The following ARHGEF33 variants were observed in gnomAD, a reference collection of about 807,000 sequenced individuals.
ARHGEF33 encodes the protein Rho guanine nucleotide exchange factor 33.
Under a neutral mutation model 101.9 loss-of-function variants are expected in ARHGEF33, and 72 were observed. The observed-to-expected ratio is 0.71, with a 90% CI of 0.58 to 0.86. The LOEUF (loss-of-function observed/expected upper bound fraction) is 0.86. Ranked by LOEUF, ARHGEF33 falls within the 40% of genes least tolerant of loss-of-function variation. The pLI is 0.00. For missense variants in ARHGEF33, 1,169 were observed against 1,111.3 expected (o/e 1.05, Z -0.74); for synonymous variants, 499 against 442.5 (o/e 1.13, Z -1.60).
intron 1 of ARHGEF33, among the ~76,000 whole-genome samples, chr2:38,891,728 C>T (rs748539559): frequency 3.3e-5 from 5 of 151,718 alleles, no homozygotes; most frequent in African/African-American, 4.9e-5. Flanking sequence ...ATTCCCCACC[C>T]GCCCCCCACA....
Position 38,951,002 on chromosome 2 carries a change from T to C in ARHGEF33, c.934T>C (p.Ser312Pro), listed in dbSNP as rs373984297. The change falls in exon 11 of 18, where the codon TCT (serine) becomes CCT (proline). Residue 312 changes from serine to proline, a missense_variant. Transcript: ENST00000409978. ...TTCTGTTTCAAGCCTCTTCCCTGGC[T>C]CTTTACGGTACCTCGTCCAGCAGCA... ...NSKERSLFPG[S>P]LRYLVQQHLD... is the part of the protein sequence containing the mutation. 4 of 1,552,258 alleles carry C rather than the reference T, an allele frequency of 2.6e-6. No homozygotes were observed. The highest frequency in any genetic ancestry group is 3.5e-6 in the Non-Finnish European group (4 of 1,147,104).
chr2:38,929,598 A>G (rs1387934506), intron 5 of ARHGEF33, 111 bp from the exon 6 acceptor site: 6 of 833,894 alleles, frequency 7.2e-6, no homozygotes, highest in Non-Finnish European at 1.0e-5. Context: ...TCTCTCATTC[A>G]TTCATTCATT....
intron 15 of ARHGEF33, 48 bp downstream of exon 15, chr2:38,958,246 C>A: frequency 6.5e-7 from 1 of 1,546,196 alleles, no homozygotes; most frequent in South Asian, 1.2e-5. Flanking sequence ...CCTTTGGGAC[C>A]CAGCCAGTCT....
At position 38,958,065 on chromosome 2, in the gene ARHGEF33, G is replaced by T; in HGVS notation, c.1402G>T (p.Ala468Ser). The T allele has an allele frequency of 6.4e-7, 1 of 1,552,236 alleles. No individual in the cohort carries two copies. Among genetic ancestry groups the T allele is most frequent in the Non-Finnish European group, 8.7e-7 (1 of 1,147,130 alleles). ...SSMAKLYKGLASQCANAGQDA... is the reference protein window; with the variant it reads ...SSMAKLYKGLSSQCANAGQDA... ...CATGGCGAAGCTGTACAAAGGGCTG[G>T]CTTCCCAGTGTGCCAATGCTGGGCA... Residue 468 changes from alanine to serine, a missense_variant, in exon 15 of 18, where the codon GCT becomes TCT. Ala to Ser is a moderately conservative substitution (Grantham distance 99). Coordinates refer to ENST00000409978, the MANE Select transcript of ARHGEF33 (RefSeq NM_001145451.5).
At chr2:38,959,814 C>T (rs1393783595) in intron 15 of ARHGEF33, 27 bp from the exon 16 acceptor site, 2 of 1,519,002 alleles carry the variant, frequency 1.3e-6, no homozygotes, top group South Asian at 2.5e-5. Context: ...AAGCACAGCT[C>T]TTTTGTACTC....
At chr2:38,963,560 G>C (rs1226411378) in intron 16 of ARHGEF33, among the ~76,000 whole-genome samples, 2 of 152,206 alleles carry the variant, frequency 1.3e-5, no homozygotes, top group Non-Finnish European at 2.9e-5. Context: ...TCAGGCCAAA[G>C]AAGATACAAT....
chr2:38,945,734 G>A (rs1163145986), intron 10 of ARHGEF33, among the ~76,000 whole-genome samples: 1 of 152,258 alleles, frequency 6.6e-6, no homozygotes, highest in Non-Finnish European at 1.5e-5. Flanking sequence ...AATCTGGGGA[G>A]GCGGGGTAAG....
chr2:38,913,751 A>G (rs1666567802), intron 2 of ARHGEF33, among the ~76,000 whole-genome samples: 1 of 152,050 alleles, frequency 6.6e-6, no homozygotes, highest in South Asian at 2.1e-4. Flanking sequence ...ACTGGGGGAC[A>G]GAGTAAGACT....
intron 2 of ARHGEF33, among the ~76,000 whole-genome samples, chr2:38,901,403 G>A (rs1426022667): frequency 1.3e-5 from 2 of 152,318 alleles, no homozygotes; most frequent in East Asian, 1.9e-4. Context: ...CCTACCCACT[G>A]CTGAGCTGAG....
rs147997395 is a variant in ARHGEF33, at chr2:38,929,591, CTCAT to C, written c.241-98_241-95del. ...ACGATGGAAGTAAATTTTTTAATCT[CTCAT>C]TCATTCATTCATTCATTCAATAAAT... is the stretch of plus-strand genomic sequence containing the variant. On this transcript the variant is annotated intron_variant, in intron 5 of 17. Transcript: ENST00000409978. 107 of 798,558 alleles carry C rather than the reference CTCAT, an allele frequency of 1.3e-4. 1 individual carries two copies. The highest frequency in any genetic ancestry group is 3.1e-4 in the South Asian group (6 of 19,634). 49.5% of individuals were successfully genotyped at this position (798,558 alleles called of 1,614,324 possible).
chr2:38,953,378 A>G (rs1254498704), intron 12 of ARHGEF33, 133 bp downstream of exon 12: 3 of 618,742 alleles, frequency 4.8e-6, no homozygotes, highest in African/African-American at 3.7e-5. Flanking sequence ...AGCCACTAAT[A>G]CCACTACCTG....
At position 38,953,211 on chromosome 2, in the gene ARHGEF33, G is replaced by A. The variant is rs1378579545; in HGVS notation, c.1103G>A (p.Cys368Tyr). 5.8e-6 allele frequency: 9 copies of A among 1,544,544 alleles called. No homozygotes were observed. Residue 368 changes from cysteine to tyrosine, a missense_variant, in exon 12 of 18, where the codon TGC becomes TAC. By Grantham distance (194) the Cys-to-Tyr change is radical. Transcript: ENST00000409978. ...YVAYLRDLPECISLVHVVVLK... is the reference protein window; with the variant it reads ...YVAYLRDLPEYISLVHVVVLK... ...GCCTACCTAAGGGACCTGCCTGAGT[G>A]CATCTCATTGGTTCATGTTGTAGTC...
chr2:38,970,935 A>G (rs1342949038), intron 17 of ARHGEF33, among the ~76,000 whole-genome samples: 1 of 152,110 alleles, frequency 6.6e-6, no homozygotes, highest in Non-Finnish European at 1.5e-5. Context: ...CCTCCACGAT[A>G]CTGGTGCTGT....
At chr2:38,953,690 A>C (rs1415462451) in intron 12 of ARHGEF33, among the ~76,000 whole-genome samples, 1 of 152,244 alleles carries the variant, frequency 6.6e-6, no homozygotes, top group Non-Finnish European at 1.5e-5. Context: ...CTCAGTAAGC[A>C]CATACACATC....
intron 1 of ARHGEF33, among the ~76,000 whole-genome samples, chr2:38,894,272 C>T (rs996947799): frequency 6.6e-6 from 1 of 151,816 alleles, no homozygotes; most frequent in Non-Finnish European, 1.5e-5. Context: ...GTCGAGGCTG[C>T]AGAGAGCCAC....
intron 2 of ARHGEF33, among the ~76,000 whole-genome samples, chr2:38,914,409 T>C (rs979183825): frequency 2.0e-5 from 3 of 152,224 alleles, no homozygotes; most frequent in Admixed American, 2.0e-4. Flanking sequence ...GGCTCACGCC[T>C]GTAATCCCAG....
chr2:38,930,174 CT>C (rs1157858467), intron 6 of ARHGEF33, among the ~76,000 whole-genome samples: 1 of 152,056 alleles, frequency 6.6e-6, no homozygotes, highest in African/African-American at 2.4e-5. Context: ...CAGTGATTTT[CT>C]TTTTTTATTA....
At chr2:38,946,497 T>G (rs952968155) in intron 10 of ARHGEF33, among the ~76,000 whole-genome samples, 1 of 152,234 alleles carries the variant, frequency 6.6e-6, no homozygotes, top group Admixed American at 6.5e-5. Flanking sequence ...TAGTACTGAA[T>G]ATGAAGTCTC....
intron 17 of ARHGEF33, chr2:38,972,048 A>G (rs1453471918): frequency 2.3e-5 from 16 of 687,172 alleles, no homozygotes; most frequent in East Asian, 1.9e-4. Context: ...AAAGATTTCA[A>G]GTTTTGAGTA....
Sources: allele counts gnomAD v4.1 joint callset (sites outside exome capture counted in the v4.1 genomes callset), GRCh38; gene constraint gnomAD v4.1.1; transcripts MANE v1.5; gene names NCBI Gene and HGNC (gene_info 2026-07-23, HGNC 2026-07-21).